The following NEGR1 variants were observed in gnomAD, a reference collection of about 807,000 sequenced individuals.
NEGR1 encodes the protein neuronal growth regulator 1, also known as IgLON family member 4.
NEGR1 carries 10 observed loss-of-function variants against 40.9 expected under a neutral mutation model. The ratio of observed to expected loss-of-function variants is 0.24; its 90% CI spans 0.15 to 0.42. The LOEUF (loss-of-function observed/expected upper bound fraction) is 0.42, where lower values mean the gene tolerates loss of function less well. NEGR1 is among the 10% of genes least tolerant of loss of function. The pLI is 1.00. For synonymous variants in NEGR1, 185 were observed against 166.8 expected (o/e 1.11, Z -0.84); for missense variants, 352 against 438.9 (o/e 0.80, Z 1.77).
At chr1:71,916,629 G>T (rs760631231) in intron 2 of NEGR1, among the ~76,000 whole-genome samples, 12 of 152,130 alleles carry the variant, frequency 7.9e-5, no homozygotes, top group Non-Finnish European at 1.3e-4. Context: ...AGGGGCGTGT[G>T]CTTGTAATCA....
chr1:71,468,326 C>A (rs1318564284), intron 6 of NEGR1: 1 of 151,926 alleles, frequency 6.6e-6, no homozygotes, highest in Non-Finnish European at 1.5e-5. Flanking sequence ...AAAAGTACCA[C>A]TGCTGAAATC....
At chr1:71,803,513 C>A (rs191850046) in intron 2 of NEGR1, among the ~76,000 whole-genome samples, 1 of 152,276 alleles carries the variant, frequency 6.6e-6, no homozygotes, top group Admixed American at 6.5e-5. Flanking sequence ...TAATCTATTA[C>A]TATTTTTCTA....
intron 6 of NEGR1, among the ~76,000 whole-genome samples, chr1:71,547,203 C>T (rs935271252): frequency 1.3e-5 from 2 of 151,744 alleles, no homozygotes; most frequent in Non-Finnish European, 3.0e-5. Context: ...TCCCTATTAA[C>T]CTCTTCTAAA....
At chr1:71,851,486 T>C (rs940804190) in intron 2 of NEGR1, among the ~76,000 whole-genome samples, 1 of 152,178 alleles carries the variant, frequency 6.6e-6, no homozygotes, top group African/African-American at 2.4e-5. Flanking sequence ...TATTAGGAAA[T>C]AACACTTTTT....
At chr1:71,831,811 A>T (rs2101791320) in intron 2 of NEGR1, among the ~76,000 whole-genome samples, 1 of 152,064 alleles carries the variant, frequency 6.6e-6, no homozygotes, top group South Asian at 2.1e-4. Context: ...AAAAGAAAAA[A>T]AAAAAACGCA....
At chr1:72,048,939 A>G (rs1015322854) in intron 1 of NEGR1, among the ~76,000 whole-genome samples, 4 of 151,616 alleles carry the variant, frequency 2.6e-5, no homozygotes, top group African/African-American at 9.7e-5. Flanking sequence ...TGAAGGATCC[A>G]GATAAGTAAT....
chr1:71,624,680 T>A (rs1418579385), intron 4 of NEGR1, among the ~76,000 whole-genome samples: 1 of 151,904 alleles, frequency 6.6e-6, no homozygotes, highest in Non-Finnish European at 1.5e-5. Flanking sequence ...GGAATAGTCA[T>A]CCCTCAGATA....
chr1:71,434,436 T>C (rs1415384815), intron 6 of NEGR1, among the ~76,000 whole-genome samples: 1 of 152,200 alleles, frequency 6.6e-6, no homozygotes, highest in Non-Finnish European at 1.5e-5. Flanking sequence ...CCTGTTGCTA[T>C]TGTGGTGAGC....
At chr1:71,745,503 C>T (rs1444196541) in intron 3 of NEGR1, among the ~76,000 whole-genome samples, 3 of 151,998 alleles carry the variant, frequency 2.0e-5, no homozygotes, top group Non-Finnish European at 2.9e-5. Context: ...AACATCACTG[C>T]CTGAGTGAGA....
intron 1 of NEGR1, among the ~76,000 whole-genome samples, chr1:72,151,987 A>G (rs1457516359): frequency 6.6e-6 from 1 of 151,824 alleles, no homozygotes; most frequent in Non-Finnish European, 1.5e-5. Context: ...TTAAAATAAT[A>G]GATACAGAAT....
chr1:71,648,691 G>A (rs550603331), intron 4 of NEGR1, among the ~76,000 whole-genome samples: 1 of 152,012 alleles, frequency 6.6e-6, no homozygotes, highest in African/African-American at 2.4e-5. Flanking sequence ...AAAGATCTAC[G>A]GTTCAATCAC....
chr1:71,673,954 A>T (rs916152720), intron 4 of NEGR1, among the ~76,000 whole-genome samples: 11 of 152,094 alleles, frequency 7.2e-5, no homozygotes, highest in Admixed American at 3.9e-4. Flanking sequence ...TACTTTTTTG[A>T]ATTTTTACAA....
intron 6 of NEGR1, among the ~76,000 whole-genome samples, chr1:71,430,234 C>A (rs1044324027): frequency 6.6e-6 from 1 of 152,106 alleles, no homozygotes; most frequent in Non-Finnish European, 1.5e-5. Context: ...CTCAAAGACA[C>A]GTTTCCTTTC....
intron 2 of NEGR1, among the ~76,000 whole-genome samples, chr1:71,811,893 T>TTTTATTTTATTTTATTTTA (rs1658015493): frequency 1.3e-5 from 2 of 150,772 alleles, no homozygotes; most frequent in African/African-American, 4.9e-5. Flanking sequence ...TTTTATTTTA[T>TTTTATTTTATTTTATTTTA]TTTATTTTAT....
At chr1:72,082,475 T>G (rs970312031) in intron 1 of NEGR1, among the ~76,000 whole-genome samples, 1 of 152,178 alleles carries the variant, frequency 6.6e-6, no homozygotes, top group Non-Finnish European at 1.5e-5. Context: ...AAATTTGTTA[T>G]TTCTTCAACA....
intron 4 of NEGR1, among the ~76,000 whole-genome samples, chr1:71,632,515 A>G (rs1651007725): frequency 6.6e-6 from 1 of 150,906 alleles, no homozygotes; most frequent in South Asian, 2.1e-4. Context: ...ATTTAATAAT[A>G]AAATGATTGC....
intron 2 of NEGR1, among the ~76,000 whole-genome samples, chr1:71,802,429 A>G (rs137868804): frequency 1.0e-3 from 159 of 152,338 alleles, no homozygotes; most frequent in African/African-American, 3.5e-3. Flanking sequence ...ACAAAAAAAG[A>G]AAGTATGACC....
At chr1:72,149,934 A>C (rs575963896) in intron 1 of NEGR1, among the ~76,000 whole-genome samples, 95 of 151,698 alleles carry the variant, frequency 6.3e-4, no homozygotes, top group African/African-American at 1.5e-3. Context: ...AGAAAAAAAA[A>C]CACCAAGGAC....
chr1:72,142,860 A>G (rs1329185630), intron 1 of NEGR1, among the ~76,000 whole-genome samples: 1 of 151,932 alleles, frequency 6.6e-6, no homozygotes, highest in Admixed American at 6.6e-5. Flanking sequence ...AAGGGCACCT[A>G]TTAGAATGTA....
Sources: gnomAD v4.1 joint callset for allele counts (sites outside exome capture counted in the v4.1 genomes callset) on GRCh38, gnomAD v4.1.1 for gene constraint, MANE v1.5 for transcripts, NCBI Gene and HGNC (gene_info 2026-07-23, HGNC 2026-07-21) for gene names.